Variants in LOC400499 observed in about 807,000 individuals in gnomAD.
At chr16:11,387,775 C>T in the LOC400499 span, among the ~76,000 whole-genome samples, 3 of 152,262 alleles carry the variant, frequency 2.0e-5, no homozygotes, top group South Asian at 2.1e-4. Flanking sequence ...CAGCGCCCAC[C>T]GCAACACCCG....
At chr16:11,515,560 G>C in the LOC400499 span, among the ~76,000 whole-genome samples, 1 of 151,372 alleles carries the variant, frequency 6.6e-6, no homozygotes, top group Non-Finnish European at 1.5e-5. Context: ...ATTTCTTGAA[G>C]GAAAGAGGAG....
At chr16:11,425,146 T>G in the LOC400499 span, 1 of 398,840 alleles carries the variant, frequency 2.5e-6, no homozygotes, top group Non-Finnish European at 4.4e-6. Context: ...AGCGTGCTGA[T>G]ATTGTGTGTC....
chr16:11,508,925 G>A, the LOC400499 span: 2 of 398,086 alleles, frequency 5.0e-6, no homozygotes, highest in African/African-American at 4.1e-5. Flanking sequence ...AGCCCTCTGG[G>A]AGTCGCCCCC....
chr16:11,423,540 C>T, the LOC400499 span, among the ~76,000 whole-genome samples: 3 of 152,218 alleles, frequency 2.0e-5, no homozygotes, highest in East Asian at 5.8e-4. Flanking sequence ...GAAACTGAGT[C>T]ACGCAAGTCA....
the LOC400499 span, chr16:11,399,384 G>T: frequency 1.6e-6 from 1 of 623,430 alleles, no homozygotes; most frequent in Non-Finnish European, 2.3e-6. Context: ...CTGGAACCCA[G>T]GACCACGTGG....
At chr16:11,424,669 C>G in the LOC400499 span, among the ~76,000 whole-genome samples, 1 of 152,198 alleles carries the variant, frequency 6.6e-6, no homozygotes, top group African/African-American at 2.4e-5. Context: ...CAGAGGGAAA[C>G]AGGGGTCTGA....
the LOC400499 span, among the ~76,000 whole-genome samples, chr16:11,502,433 C>T: frequency 6.6e-6 from 1 of 152,186 alleles, no homozygotes; most frequent in Non-Finnish European, 1.5e-5. Flanking sequence ...TGAGCACCTA[C>T]TATGTGCCTT....
the LOC400499 span, among the ~76,000 whole-genome samples, chr16:11,459,135 T>C: frequency 6.6e-6 from 1 of 150,636 alleles, no homozygotes; most frequent in Non-Finnish European, 1.5e-5. Flanking sequence ...AGTTAATATT[T>C]AAAAGATCAT....
At chr16:11,429,884 G>A in the LOC400499 span, among the ~76,000 whole-genome samples, 1 of 152,080 alleles carries the variant, frequency 6.6e-6, no homozygotes, top group Non-Finnish European at 1.5e-5. Flanking sequence ...AAAACTAGGA[G>A]GGTCACAATT....
At chr16:11,508,767 G>A in the LOC400499 span, 6 of 399,086 alleles carry the variant, frequency 1.5e-5, no homozygotes, top group African/African-American at 6.2e-5. Flanking sequence ...ATGTGGCTGC[G>A]GTGGCCACCA....
At chr16:11,460,631 A>C in the LOC400499 span, 1 of 1,508,708 alleles carries the variant, frequency 6.6e-7, no homozygotes, top group Non-Finnish European at 8.9e-7. Context: ...CAACCCAGAG[A>C]CCCCTGCCCT....
the LOC400499 span, among the ~76,000 whole-genome samples, chr16:11,477,412 C>T: frequency 2.0e-4 from 30 of 152,224 alleles, no homozygotes; most frequent in Non-Finnish European, 3.4e-4. Context: ...GCCATGTGGC[C>T]CCAGGCTGTC....
the LOC400499 span, among the ~76,000 whole-genome samples, chr16:11,514,776 G>T: frequency 6.6e-6 from 1 of 152,212 alleles, no homozygotes; most frequent in Non-Finnish European, 1.5e-5. Context: ...TGACAAGGAC[G>T]AGGGGAAACA....
chr16:11,410,814 A>G, the LOC400499 span, among the ~76,000 whole-genome samples: 1 of 152,252 alleles, frequency 6.6e-6, no homozygotes, highest in Non-Finnish European at 1.5e-5. Context: ...TCAGAGGGAC[A>G]GAGGAACCTG....
At chr16:11,403,470 C>T in the LOC400499 span, among the ~76,000 whole-genome samples, 1 of 148,462 alleles carries the variant, frequency 6.7e-6, no homozygotes, top group East Asian at 1.9e-4. Flanking sequence ...CACATACACA[C>T]ATGAGCACAC....
chr16:11,482,069 G>C, the LOC400499 span, among the ~76,000 whole-genome samples: 4 of 152,224 alleles, frequency 2.6e-5, no homozygotes, highest in African/African-American at 4.8e-5. Flanking sequence ...CAACCAAATA[G>C]GAGTAATGAA....
At chr16:11,374,997 C>T in the LOC400499 span, among the ~76,000 whole-genome samples, 2 of 151,968 alleles carry the variant, frequency 1.3e-5, no homozygotes, top group African/African-American at 2.4e-5. Flanking sequence ...TACAGGCCTG[C>T]ACCACCACAC....
chr16:11,443,098 G>C, the LOC400499 span, among the ~76,000 whole-genome samples: 1 of 151,812 alleles, frequency 6.6e-6, no homozygotes, highest in East Asian at 1.9e-4. Context: ...CTGAGGCCGG[G>C]GGATCACCTG....
At chr16:11,485,075 T>A in the LOC400499 span, 1 of 398,794 alleles carries the variant, frequency 2.5e-6, no homozygotes, top group Non-Finnish European at 4.4e-6. Flanking sequence ...GAGCCCAAGC[T>A]GGGAAGGGAA....
Sources: allele counts gnomAD v4.1 joint callset (sites outside exome capture counted in the v4.1 genomes callset), GRCh38; gene constraint gnomAD v4.1.1; transcripts MANE v1.5.